The following PCTP variants were observed in gnomAD, a reference collection of about 807,000 sequenced individuals.
PCTP encodes the protein START domain-containing protein 2.
PCTP carries 27 observed loss-of-function variants against 31.0 expected under a neutral mutation model. The ratio of observed to expected loss-of-function variants is 0.87; its 90% CI spans 0.64 to 1.20. The LOEUF is 1.20. PCTP is among the 50% of genes most tolerant of loss of function. The probability of loss-of-function intolerance (pLI) is 0.00; values close to 1 mark genes in which losing one functional copy is unlikely to be tolerated. For synonymous variants in PCTP, 108 were observed against 101.2 expected, an observed-to-expected ratio of 1.07 and a Z score of -0.40; for missense variants, 287 against 268.2, an observed-to-expected ratio of 1.07 and a Z score of -0.49.
At chr17:55,828,243 T>C (rs35303984) in intron 5 of PCTP, among the ~76,000 whole-genome samples, 10,743 of 152,266 alleles carry the variant, frequency 0.071, 516 homozygotes, top group Middle Eastern at 0.14. Context: ...AACAAAGTAC[T>C]ACAAATTGGG....
At chr17:55,762,841 C>T (rs543996867) in intron 1 of PCTP, among the ~76,000 whole-genome samples, 37 of 149,170 alleles carry the variant, frequency 2.5e-4, no homozygotes, top group African/African-American at 9.3e-4. Context: ...TTTACATTGC[C>T]ACGGGGTTCT....
chr17:55,775,467 C>A, intron 5 of PCTP: 1 of 1,223,794 alleles, frequency 8.2e-7, no homozygotes, highest in Non-Finnish European at 1.0e-6. Context: ...GTCAAACAGA[C>A]GCAATTTCAA....
chr17:55,773,710 A>G lies in PCTP; in HGVS notation c.340-14A>G, dbSNP rs2960063. ...AATGCTGGCGTTGGTGTCTTGCCTT[A>G]ACTGGCTATGCAGTATGTCTACCTT... On this transcript the variant is annotated splice_polypyrimidine_tract_variant and intron_variant, in intron 3 of 5. Transcript: ENST00000268896. 0.94 allele frequency: 1,496,245 copies of G among 1,594,926 alleles called. 712,153 individuals are homozygous for G. Among genetic ancestry groups the G allele is most frequent in the Non-Finnish European group, 0.97 (1,135,446 of 1,165,482 alleles).
chr17:55,809,146 A>C (rs1419430150), intron 3 of PCTP, among the ~76,000 whole-genome samples: 2 of 152,186 alleles, frequency 1.3e-5, no homozygotes, highest in Admixed American at 6.5e-5. Flanking sequence ...GATATAATAA[A>C]ATTCTGACAT....
At chr17:55,786,262 C>T (rs996943386) in intron 2 of PCTP, among the ~76,000 whole-genome samples, 6 of 152,066 alleles carry the variant, frequency 3.9e-5, no homozygotes, top group African/African-American at 7.2e-5. Flanking sequence ...CCAGCCTAGG[C>T]GACAGAGCAA....
chr17:55,844,597 C>G (rs142593108), downstream of PCTP, among the ~76,000 whole-genome samples: 93 of 152,092 alleles, frequency 6.1e-4, no homozygotes, highest in East Asian at 0.012. Flanking sequence ...AAATTCATAC[C>G]GCGGACAGGC....
chr17:55,759,543 TG>T (rs1910230334), intron 1 of PCTP, among the ~76,000 whole-genome samples: 1 of 152,204 alleles, frequency 6.6e-6, no homozygotes, highest in African/African-American at 2.4e-5. Context: ...GTCTATTACT[TG>T]CCCCAAAGTG....
intron 5 of PCTP, among the ~76,000 whole-genome samples, chr17:55,839,939 A>G (rs1283790670): frequency 6.6e-6 from 1 of 150,432 alleles, no homozygotes; most frequent in African/African-American, 2.4e-5. Context: ...AAAAAAAAAA[A>G]AAAAAAAACA....
intron 1 of PCTP, among the ~76,000 whole-genome samples, chr17:55,760,977 A>G (rs1910311743): frequency 6.6e-6 from 1 of 152,134 alleles, no homozygotes; most frequent in Non-Finnish European, 1.5e-5. Flanking sequence ...TATCTTTATC[A>G]TTAGTTTGTG....
exon 4 of PCTP, chr17:55,822,809 A>G: frequency 8.1e-7 from 1 of 1,231,456 alleles, no homozygotes; most frequent in Non-Finnish European, 1.0e-6. Context: ...AGACCTCATC[A>G]AGTTTTTGGC....
intron 3 of PCTP, among the ~76,000 whole-genome samples, chr17:55,789,683 A>G (rs1375409357): frequency 2.0e-5 from 3 of 151,960 alleles, no homozygotes; most frequent in African/African-American, 7.2e-5. Flanking sequence ...AATATCTCAC[A>G]TAAGGACCAG....
At chr17:55,798,901 A>G (rs571005402) in intron 3 of PCTP, among the ~76,000 whole-genome samples, 1 of 152,126 alleles carries the variant, frequency 6.6e-6, no homozygotes, top group African/African-American at 2.4e-5. Flanking sequence ...TGTCATTAAA[A>G]TAAGTGAAAA....
At chr17:55,850,338 T>C in the PCTP span, among the ~76,000 whole-genome samples, 8 of 152,294 alleles carry the variant, frequency 5.3e-5, no homozygotes, top group East Asian at 1.5e-3. Context: ...ATTATACAAA[T>C]ACCTAAAAGC....
At chr17:55,827,250 T>C (rs1567732368), downstream of PCTP, among the ~76,000 whole-genome samples, 2 of 152,080 alleles carry the variant, frequency 1.3e-5, no homozygotes, top group South Asian at 2.1e-4. Context: ...CTGCCACTCA[T>C]TTAGAATCCT....
chr17:55,756,986 C>G (rs545385142), intron 1 of PCTP, among the ~76,000 whole-genome samples: 4 of 152,044 alleles, frequency 2.6e-5, no homozygotes, highest in Non-Finnish European at 5.9e-5. Flanking sequence ...TTTGAAATCT[C>G]AGTTTCCTCA....
chr17:55,821,812 A>C (rs1913125212), intron 3 of PCTP, among the ~76,000 whole-genome samples: 1 of 152,144 alleles, frequency 6.6e-6, no homozygotes, highest in Non-Finnish European at 1.5e-5. Context: ...GGATCTTGTG[A>C]GCATCCTTGT....
chr17:55,829,778 C>T (rs1905535720), intron 5 of PCTP, among the ~76,000 whole-genome samples: 1 of 151,876 alleles, frequency 6.6e-6, no homozygotes, highest in Non-Finnish European at 1.5e-5. Flanking sequence ...TCACTGAGAC[C>T]AGAATCCACA....
rs56851766 is a variant in PCTP, at chr17:55,751,432, C to T, written c.141+188C>T. The T allele has an allele frequency of 1.8e-3, 2,727 of 1,533,932 alleles. 34 individuals are homozygous for T. In the African/African-American group the frequency reaches 0.033, roughly 19 times the overall value. On this transcript the variant is annotated intron_variant, in intron 1 of 5. Coordinates refer to ENST00000268896, the MANE Select transcript of PCTP (RefSeq NM_021213.4). The stretch of plus-strand genomic sequence containing the variant: ...AGGGGCGGTGCCTCCAAGTGACTGC[C>T]GTGCAGATCCAGGGGAGTTGGAAGG...
intron 3 of PCTP, among the ~76,000 whole-genome samples, chr17:55,799,036 A>C (rs1039049156): frequency 6.6e-6 from 1 of 151,898 alleles, no homozygotes; most frequent in African/African-American, 2.4e-5. Context: ...AAGGATATAC[A>C]TTAAAGAATT....
Sources: gnomAD v4.1 joint callset for allele counts (sites outside exome capture counted in the v4.1 genomes callset) on GRCh38, gnomAD v4.1.1 for gene constraint, MANE v1.5 for transcripts, NCBI Gene and HGNC (gene_info 2026-07-23, HGNC 2026-07-21) for gene names.